Variants in NBEAL1 observed in about 807,000 individuals in gnomAD.
NBEAL1 encodes the protein neurobeachin like 1.
NBEAL1 carries 273 observed loss-of-function variants against 351.3 expected under a neutral mutation model. The ratio of observed to expected loss-of-function variants is 0.78; its 90% confidence interval spans 0.70 to 0.86. The LOEUF is 0.86. Ranked by LOEUF, NBEAL1 falls within the 40% of genes least tolerant of loss-of-function variation. The pLI is 0.00. For synonymous variants in NBEAL1, 1,050 were observed against 1,086.4 expected (o/e 0.97, Z 0.66); for missense variants, 2,961 against 3,201.3 (o/e 0.92, Z 1.81).
In NBEAL1 at chr2:203,224,181, T is replaced by C; in HGVS notation, c.*6827T>C. On this transcript the variant is annotated 3_prime_UTR_variant, in exon 56 of 56. Coordinates refer to ENST00000683969, the MANE Select transcript of NBEAL1 (RefSeq NM_001378026.1). ...TTTATATTTTAAACTGTTTTTTTCC[T>C]ATTCTGCTTTTTGCTGCTCTCAAAG... Among the ~76,000 whole-genome samples the C allele has an allele frequency of 6.6e-6, 1 of 152,078 alleles. No homozygotes were observed. Among genetic ancestry groups the C allele is most frequent in the Middle Eastern group, 3.2e-3 (1 of 316 alleles).
intron 14 of NBEAL1, among the ~76,000 whole-genome samples, chr2:203,108,962 A>C (rs1005572330): frequency 6.6e-6 from 1 of 152,196 alleles, no homozygotes; most frequent in Non-Finnish European, 1.5e-5. Context: ...GGATCACTTC[A>C]GCTCAGGAAG....
intron 2 of NBEAL1, among the ~76,000 whole-genome samples, chr2:203,024,938 A>G (rs546195910): frequency 1.4e-4 from 21 of 151,852 alleles, no homozygotes; most frequent in African/African-American, 4.9e-4. Flanking sequence ...AAAAGAATGA[A>G]AAAGTTAAAA....
At chr2:203,199,882 A>C (rs192328122) in intron 49 of NBEAL1, among the ~76,000 whole-genome samples, 41 of 152,294 alleles carry the variant, frequency 2.7e-4, no homozygotes, top group African/African-American at 8.4e-4. Flanking sequence ...TATTGGTTTA[A>C]ATACAAAACT....
chr2:203,099,952 T>C lies in NBEAL1; in HGVS notation c.1269+240T>C, dbSNP rs151235050. ...TATTGTTCCTTTCTTTGTGTCCATA[T>C]GAACTCAGTGTTTGGCTCCCACTTA... On this transcript the variant is annotated intron_variant, in intron 12 of 55. Transcript: ENST00000683969. Among the ~76,000 whole-genome samples, 5 of 152,306 alleles carry C rather than the reference T, an allele frequency of 3.3e-5. No homozygotes were observed. The East Asian group carries it at 7.7e-4, about 24-fold the overall frequency.
rs2063468403 is a variant in NBEAL1 at position 203,144,838 on chromosome 2, C to T, written c.5087C>T (p.Ser1696Phe). The T allele has an allele frequency of 1.2e-6, 2 of 1,611,238 alleles. No homozygotes were observed. Among genetic ancestry groups the T allele is most frequent in the Non-Finnish European group, 1.7e-6 (2 of 1,178,908 alleles). ...TCTTTACCTTTTACCAATGGTAGCT[C>T]CTCATTTTTTGAAGATTTTCAAGAA... The part of the protein sequence containing the change: ...LPSLPFTNGS[S>F]SFFEDFQEYC... Residue 1696 changes from serine to phenylalanine, a missense_variant, in exon 32 of 56, where the codon TCC becomes TTC. By Grantham distance (155) the Ser-to-Phe change is radical. Transcript: ENST00000683969.
chr2:203,190,342 G>C lies in NBEAL1; in HGVS notation c.6874G>C (p.Glu2292Gln). 6.2e-7 allele frequency: 1 copy of C among 1,612,770 alleles called. No individual in the cohort carries two copies. The highest frequency in any genetic ancestry group is 8.5e-7 in the Non-Finnish European group (1 of 1,179,728). ...LTDEKERKAL[E>Q]GMINNFGQTP... ...AGATGAGAAAGAAAGAAAAGCCTTA[G>C]AAGGGATGATTAATAATTTTGGGCA... The change falls in exon 46 of 56, where the codon GAA becomes CAA. Residue 2292 changes from glutamate to glutamine, a missense_variant. Physicochemically the swap from Glu to Gln is conservative, Grantham distance 29 (BLOSUM62 2). Coordinates refer to ENST00000683969, the MANE Select transcript of NBEAL1 (RefSeq NM_001378026.1).
intron 24 of NBEAL1, 66 bp from the exon 25 acceptor site, chr2:203,130,252 T>A: frequency 8.7e-6 from 12 of 1,378,746 alleles, no homozygotes; most frequent in Non-Finnish European, 1.2e-5. Context: ...TTTTGTGGCT[T>A]ATGACCTTAT....
intron 6 of NBEAL1, among the ~76,000 whole-genome samples, chr2:203,066,735 A>G (rs1160503865): frequency 7.1e-6 from 1 of 140,892 alleles, no homozygotes; most frequent in Non-Finnish European, 1.5e-5. Context: ...CACCTACCAG[A>G]CGGGGTGGCA....
chr2:203,076,346 A>T (rs1422268286), intron 7 of NBEAL1, among the ~76,000 whole-genome samples: 2 of 151,888 alleles, frequency 1.3e-5, no homozygotes, highest in African/African-American at 4.8e-5. Context: ...TTAGATGGTC[A>T]TGGTAGCGTG....
At chr2:203,066,284 C>T (rs939499075) in intron 6 of NBEAL1, among the ~76,000 whole-genome samples, 3 of 149,972 alleles carry the variant, frequency 2.0e-5, no homozygotes, top group Non-Finnish European at 3.0e-5. Flanking sequence ...GAAATAATCT[C>T]GTGGAAAAAC....
chr2:203,217,476 A>C lies in NBEAL1; in HGVS notation c.*122A>C. 2.3e-6 allele frequency: 3 copies of C among 1,328,386 alleles called. No homozygotes were observed. Among genetic ancestry groups the C allele is most frequent in the Non-Finnish European group, 1.9e-6 (2 of 1,036,088 alleles). The allele number at this position is 1,328,386 out of a possible 1,614,324, so 82.3% of individuals were successfully genotyped here. A position where few individuals can be genotyped will look rare whatever the true frequency, so the allele number is the denominator to read the frequency against. On this transcript the variant is annotated 3_prime_UTR_variant, in exon 56 of 56. Coordinates refer to ENST00000683969, the MANE Select transcript of NBEAL1 (RefSeq NM_001378026.1). ...TTATCCCTGAAAATCATTTACAGAT[A>C]ACCACAATTTGCTGTGGTATATAAA... is the stretch of plus-strand genomic sequence containing the variant.
At chr2:203,054,540 G>A (rs1455783876) in intron 4 of NBEAL1, among the ~76,000 whole-genome samples, 2 of 152,036 alleles carry the variant, frequency 1.3e-5, no homozygotes, top group East Asian at 3.9e-4. Context: ...AAAGTGTTGG[G>A]ATTACAGACG....
intron 18 of NBEAL1, among the ~76,000 whole-genome samples, chr2:203,116,570 A>G (rs2062702193): frequency 6.6e-6 from 1 of 151,682 alleles, no homozygotes. Flanking sequence ...CAGGAGTTCC[A>G]GACTAGCCTA....
chr2:203,064,392 T>G (rs924574894), intron 6 of NBEAL1, among the ~76,000 whole-genome samples: 2 of 152,200 alleles, frequency 1.3e-5, no homozygotes, highest in African/African-American at 4.8e-5. Flanking sequence ...GATTACTTAT[T>G]ACTTGTAATT....
intron 34 of NBEAL1, among the ~76,000 whole-genome samples, chr2:203,149,724 C>T (rs2063601923): frequency 6.6e-6 from 1 of 152,064 alleles, no homozygotes; most frequent in Non-Finnish European, 1.5e-5. Context: ...AAAGTCACTC[C>T]TTATTATCCT....
intron 40 of NBEAL1, among the ~76,000 whole-genome samples, chr2:203,172,263 G>A (rs1483855182): frequency 6.6e-6 from 1 of 152,100 alleles, no homozygotes; most frequent in African/African-American, 2.4e-5. Flanking sequence ...GCTCATGCTT[G>A]TAATCCCAGC....
chr2:203,086,727 G>T (rs1023257417), intron 10 of NBEAL1, among the ~76,000 whole-genome samples: 1 of 152,122 alleles, frequency 6.6e-6, no homozygotes, highest in Non-Finnish European at 1.5e-5. Context: ...TAGAGACAGG[G>T]TTTCACCATG....
Position 203,171,949 on chromosome 2 carries a change from T to C in NBEAL1, c.6124T>C (p.Ser2042Pro), listed in dbSNP as rs1464332723. 1.9e-6 allele frequency: 3 copies of C among 1,603,480 alleles called. No individual in the cohort carries two copies. Among genetic ancestry groups the C allele is most frequent in the Non-Finnish European group, 8.5e-7 (1 of 1,175,910 alleles). The change falls in exon 40 of 56, where the codon TCA becomes CCA. Residue 2042 changes from serine (S) to proline (P), a missense_variant. Ser to Pro is a moderately conservative substitution (Grantham distance 74). Coordinates refer to ENST00000683969, the MANE Select transcript of NBEAL1 (RefSeq NM_001378026.1). ...LTQKWVNREI[S>P]NFDYLIQINT... ...CTAGAAATGGGTAAACAGAGAGATA[T>C]CAAATTTTGACTACCTCATTCAAAT... is the stretch of plus-strand genomic sequence containing the variant.
intron 12 of NBEAL1, among the ~76,000 whole-genome samples, chr2:203,106,253 T>C (rs1186055549): frequency 6.6e-6 from 1 of 152,246 alleles, no homozygotes; most frequent in African/African-American, 2.4e-5. Context: ...CTGCCACATC[T>C]AATATACTTT....
Sources: allele counts gnomAD v4.1 joint callset (sites outside exome capture counted in the v4.1 genomes callset), GRCh38; gene constraint gnomAD v4.1.1; transcripts MANE v1.5; gene names NCBI Gene and HGNC (gene_info 2026-07-23, HGNC 2026-07-21).